The following ATG7 variants were observed in gnomAD, a reference collection of about 807,000 sequenced individuals.
ATG7 encodes the protein autophagy related 7.
A neutral mutation model predicts 82.4 loss-of-function variants in ATG7; 70 were observed. The observed-to-expected ratio is 0.85, with a 90% CI of 0.70 to 1.04. The LOEUF (loss-of-function observed/expected upper bound fraction) is 1.04. Among genes scored for constraint, ATG7 ranks in the 50% least tolerant of loss-of-function variants. The pLI, the probability that ATG7 is intolerant of heterozygous loss-of-function variation, is 0.00. For synonymous variants in ATG7, 287 were observed against 313.0 expected (o/e 0.92, Z 0.88); for missense variants, 792 against 864.3 (o/e 0.92, Z 1.05).
At position 11,444,178 on chromosome 3, in the gene ATG7, A is replaced by G. The variant is rs541396478; in HGVS notation, c.2079+17252A>G. Among the ~76,000 whole-genome samples, 19 of 152,292 alleles carry G rather than the reference A, an allele frequency of 1.2e-4. No homozygotes were observed. The South Asian group carries it at 3.5e-3, about 28-fold the overall frequency. ...CATTTTCGTTGCTATGTAGTGTTTCATAATTGGATATATTGAAATTTCTCC... is the reference window on the plus strand; with the variant it reads ...CATTTTCGTTGCTATGTAGTGTTTCGTAATTGGATATATTGAAATTTCTCC... On this transcript the variant is annotated intron_variant, in intron 20 of 20. Transcript: ENST00000693202.
intron 11 of ATG7, among the ~76,000 whole-genome samples, chr3:11,339,679 A>G (rs1953192923): frequency 1.3e-5 from 2 of 152,234 alleles, no homozygotes; most frequent in African/African-American, 4.8e-5. Flanking sequence ...TGAGATGTTT[A>G]AGAGAATTTT....
At chr3:11,512,127 G>A (rs2092095725) in intron 20 of ATG7, among the ~76,000 whole-genome samples, 1 of 152,178 alleles carries the variant, frequency 6.6e-6, no homozygotes, top group South Asian at 2.1e-4. Flanking sequence ...GCAAGCGAGG[G>A]CTCTGAGGAC....
chr3:11,440,603 C>T (rs1317957304), intron 20 of ATG7, among the ~76,000 whole-genome samples: 26 of 144,512 alleles, frequency 1.8e-4, no homozygotes, highest in African/African-American at 6.3e-4. Context: ...GGATTACAGG[C>T]GTGAGCCACC....
chr3:11,272,945 C>T (rs1940817448), intron 1 of ATG7, among the ~76,000 whole-genome samples: 1 of 152,166 alleles, frequency 6.6e-6, no homozygotes, highest in Non-Finnish European at 1.5e-5. Flanking sequence ...GAAACTAATG[C>T]ACAATAAGAA....
At chr3:11,501,901 G>T (rs1025380436) in intron 20 of ATG7, among the ~76,000 whole-genome samples, 2 of 152,082 alleles carry the variant, frequency 1.3e-5, no homozygotes, top group African/African-American at 4.8e-5. Context: ...TGTTGGCCAG[G>T]CTGGTCTAGA....
chr3:11,573,524 T>C, the ATG7 span, among the ~76,000 whole-genome samples: 1 of 152,114 alleles, frequency 6.6e-6, no homozygotes, highest in Admixed American at 6.5e-5. Context: ...ACCAGAAACC[T>C]TCCCAAGGCA....
chr3:11,432,466 G>T (rs2082985246), intron 20 of ATG7, among the ~76,000 whole-genome samples: 1 of 142,166 alleles, frequency 7.0e-6, no homozygotes, highest in South Asian at 2.3e-4. Flanking sequence ...CCTTGCATAA[G>T]AATGATATAA....
chr3:11,418,941 G>C (rs115870267), intron 19 of ATG7, among the ~76,000 whole-genome samples: 13 of 151,966 alleles, frequency 8.6e-5, no homozygotes, highest in Admixed American at 1.3e-4. Context: ...ACTCGCTATC[G>C]CAAGAACAGC....
chr3:11,426,400 G>A (rs1021923117), intron 19 of ATG7, among the ~76,000 whole-genome samples: 6 of 151,888 alleles, frequency 4.0e-5, no homozygotes, highest in South Asian at 4.1e-4. Context: ...TGGCTAGCTC[G>A]TATGTCACAC....
intron 1 of ATG7, among the ~76,000 whole-genome samples, chr3:11,275,063 GT>G (rs1941414966): frequency 6.6e-6 from 1 of 152,072 alleles, no homozygotes; most frequent in Non-Finnish European, 1.5e-5. Flanking sequence ...GGCAGTGACA[GT>G]GGAGATGGAG....
At chr3:11,353,214 C>T (rs547084522) in intron 14 of ATG7, among the ~76,000 whole-genome samples, 15 of 152,126 alleles carry the variant, frequency 9.9e-5, no homozygotes, top group East Asian at 3.9e-4. Flanking sequence ...GAGGCTGAGG[C>T]GGGTGGATCA....
chr3:11,518,982 T>A (rs1455833444), intron 20 of ATG7, among the ~76,000 whole-genome samples: 2 of 150,378 alleles, frequency 1.3e-5, no homozygotes, highest in African/African-American at 4.9e-5. Context: ...CATCAAGATT[T>A]AAAAAAAAAA....
chr3:11,548,446 T>C (rs2071473910), intron 20 of ATG7, among the ~76,000 whole-genome samples: 1 of 152,210 alleles, frequency 6.6e-6, no homozygotes, highest in African/African-American at 2.4e-5. Flanking sequence ...TTTCCTTTTT[T>C]AGTCTTTAAA....
chr3:11,329,270 G>C (rs1219833863), intron 9 of ATG7, among the ~76,000 whole-genome samples: 1 of 152,132 alleles, frequency 6.6e-6, no homozygotes, highest in Admixed American at 6.5e-5. Context: ...TCTGAATATT[G>C]GTTAAGCTCC....
At chr3:11,369,096 G>T (rs907986011) in intron 18 of ATG7, among the ~76,000 whole-genome samples, 1 of 150,736 alleles carries the variant, frequency 6.6e-6, no homozygotes, top group African/African-American at 2.5e-5. Context: ...CCATATCTCG[G>T]GATATTTGGC....
chr3:11,553,278 GTAGATGTGAGGT>G (rs1439063497), intron 20 of ATG7, among the ~76,000 whole-genome samples: 5 of 9,794 alleles, frequency 5.1e-4, no homozygotes, highest in African/African-American at 1.5e-3. Flanking sequence ...CACCTCACAG[GTAGATGTGAGGT>G]CACCTCACAG....
chr3:11,561,321 C>T (rs2072978162), downstream of ATG7, among the ~76,000 whole-genome samples: 1 of 151,988 alleles, frequency 6.6e-6, no homozygotes. Flanking sequence ...CAGGAAAGGC[C>T]ACTTCAGAAG....
intron 20 of ATG7, among the ~76,000 whole-genome samples, chr3:11,540,144 C>T (rs559511304): frequency 6.6e-6 from 1 of 152,290 alleles, no homozygotes; most frequent in East Asian, 1.9e-4. Flanking sequence ...TTCACTGTGT[C>T]GTTTTTGCTG....
intron 18 of ATG7, among the ~76,000 whole-genome samples, chr3:11,373,449 T>C (rs2077176925): frequency 6.6e-6 from 1 of 152,210 alleles, no homozygotes; most frequent in Non-Finnish European, 1.5e-5. Flanking sequence ...CAAAGCATCC[T>C]GTTTCCCTTG....
Sources: allele counts gnomAD v4.1 joint callset (sites outside exome capture counted in the v4.1 genomes callset), GRCh38; gene constraint gnomAD v4.1.1; transcripts MANE v1.5; gene names NCBI Gene and HGNC (gene_info 2026-07-23, HGNC 2026-07-21).